Variants in ZNF33A observed in about 807,000 individuals in gnomAD.
The protein encoded by ZNF33A is brain my041 protein.
ZNF33A carries 9 observed loss-of-function variants against 15.9 expected under a neutral mutation model. That is an observed-to-expected ratio of 0.57 (90% CI 0.34 to 0.99). The LOEUF is 0.99. Ranked by LOEUF, ZNF33A falls within the 50% of genes least tolerant of loss-of-function variation. ZNF33A has a pLI of 0.02. For missense variants in ZNF33A, 843 were observed against 941.6 expected (o/e 0.90, Z 1.37); for synonymous variants, 294 against 324.2 (o/e 0.91, Z 1.00).
chr10:38,015,667 G>C (rs1475927833), intron 2 of ZNF33A, among the ~76,000 whole-genome samples: 1 of 152,114 alleles, frequency 6.6e-6, no homozygotes, highest in Admixed American at 6.6e-5. Flanking sequence ...CTAGAATACT[G>C]TGTCCAACCT....
downstream of ZNF33A, among the ~76,000 whole-genome samples, chr10:38,065,733 C>A (rs1171914046): frequency 6.8e-6 from 1 of 146,684 alleles, no homozygotes; most frequent in Non-Finnish European, 1.5e-5. Flanking sequence ...TTTTTTGAGA[C>A]GGATTTTTGC....
intron 1 of ZNF33A, 38 bp from the exon 2 acceptor site, chr10:38,012,260 A>G: frequency 1.2e-6 from 2 of 1,601,402 alleles, no homozygotes; most frequent in Non-Finnish European, 1.7e-6. Context: ...CAGGCAGGCC[A>G]AATCTTTCAT....
At chr10:38,031,014 G>T (rs904201785) in intron 4 of ZNF33A, among the ~76,000 whole-genome samples, 1 of 152,148 alleles carries the variant, frequency 6.6e-6, no homozygotes, top group African/African-American at 2.4e-5. Flanking sequence ...ACCATGTGTG[G>T]CATCCTTGTG....
At chr10:38,060,267 T>C (rs2066639388), downstream of ZNF33A, among the ~76,000 whole-genome samples, 1 of 152,162 alleles carries the variant, frequency 6.6e-6, no homozygotes, top group South Asian at 2.1e-4. Context: ...TGACCTAACC[T>C]CATTTCCATC....
At chr10:38,010,589 G>C (rs2064118964), upstream of ZNF33A, 3 of 988,404 alleles carry the variant, frequency 3.0e-6, no homozygotes, top group Admixed American at 1.7e-5. Context: ...CGGCCTCACG[G>C]GAAAGGTAGT....
At chr10:38,041,778 G>A (rs1016457474) in intron 4 of ZNF33A, among the ~76,000 whole-genome samples, 4 of 152,150 alleles carry the variant, frequency 2.6e-5, no homozygotes, top group African/African-American at 9.7e-5. Context: ...CACTTTTGAT[G>A]CCAAGCATTT....
At chr10:38,033,365 G>A (rs987518411) in intron 4 of ZNF33A, among the ~76,000 whole-genome samples, 5 of 152,170 alleles carry the variant, frequency 3.3e-5, no homozygotes, top group Non-Finnish European at 5.9e-5. Context: ...GTGGATGGAC[G>A]TTTGGTTTTA....
chr10:38,055,574 C>G lies in ZNF33A; in HGVS notation c.1450C>G (p.Leu484Val). Residue 484 changes from leucine (L) to valine (V), a missense_variant, in exon 5 of 5, where the codon CTT becomes GTT. Coordinates refer to ENST00000432900, the MANE Select transcript of ZNF33A (RefSeq NM_006954.2). The stretch of plus-strand genomic sequence containing the variant: ...GAAATCCTTTAGTGAAAAGTCAAAT[C>G]TTACACAGCATCAGAGAATTCACAT... ...CGKSFSEKSN[L>V]TQHQRIHIGD... 6.2e-7 allele frequency: 1 copy of G among 1,614,100 alleles called. No homozygotes were observed. The highest frequency in any genetic ancestry group is 8.5e-7 in the Non-Finnish European group (1 of 1,179,998).
At chr10:38,048,049 T>A (rs1185661896) in intron 4 of ZNF33A, among the ~76,000 whole-genome samples, 1 of 152,186 alleles carries the variant, frequency 6.6e-6, no homozygotes, top group African/African-American at 2.4e-5. Flanking sequence ...AAACTCAACG[T>A]AGAGTTATAT....
At position 38,056,550 on chromosome 10, in the gene ZNF33A, A is replaced by G; in HGVS notation, c.2426A>G (p.Asn809Ser). Residue 809 changes from asparagine to serine, a missense_variant, in exon 5 of 5, where the codon AAT (asparagine) becomes AGT (serine). Asn to Ser is a conservative substitution (Grantham distance 46). Transcript: ENST00000432900. ...HCGESPDDIL[N>S]VQ ...GGAGAAAGCCCTGATGACATCCTGA[A>G]TGTTCAGTAACTATCCACAAACTCA... 1.3e-6 allele frequency: 2 copies of G among 1,566,764 alleles called. No individual in the cohort carries two copies. Among genetic ancestry groups the G allele is most frequent in the Non-Finnish European group, 1.7e-6 (2 of 1,159,170 alleles).
In ZNF33A at chr10:38,055,842, G is replaced by A. The variant is rs756384018; in HGVS notation, c.1718G>A (p.Arg573Lys). 7 of 1,614,088 alleles carry A rather than the reference G, an allele frequency of 4.3e-6. No homozygotes were observed. The Admixed American group carries it at 1.2e-4, about 27-fold the overall frequency. The part of the protein sequence containing the change: ...SHKSTLSQHY[R>K]THTGEKPYEC... ...AAGTCAACCCTCTCTCAACATTATA[G>A]AACACACACAGGGGAGAAACCCTAC... is the stretch of plus-strand genomic sequence containing the variant. The change falls in exon 5 of 5, where the codon AGA (arginine) becomes AAA (lysine). Residue 573 changes from arginine (R) to lysine (K), a missense_variant. Transcript: ENST00000432900.
intron 4 of ZNF33A, among the ~76,000 whole-genome samples, chr10:38,047,238 A>G (rs1375013808): frequency 1.3e-5 from 2 of 151,036 alleles, no homozygotes; most frequent in African/African-American, 2.4e-5. Flanking sequence ...GCAACAACTA[A>G]TGGCAGTTTA....
intron 4 of ZNF33A, among the ~76,000 whole-genome samples, chr10:38,054,134 C>T (rs900230054): frequency 2.6e-5 from 4 of 152,114 alleles, no homozygotes; most frequent in Non-Finnish European, 5.9e-5. Context: ...AAATGTGTGC[C>T]TTCAATAGTT....
intron 4 of ZNF33A, among the ~76,000 whole-genome samples, chr10:38,027,288 G>T (rs662928): frequency 0.76 from 115,734 of 151,798 alleles, 44,234 homozygotes; most frequent in South Asian, 0.87. Flanking sequence ...TGGAATTTTT[G>T]TGTGTGTGTG....
downstream of ZNF33A, among the ~76,000 whole-genome samples, chr10:38,060,502 G>A (rs1005289415): frequency 2.6e-5 from 4 of 152,096 alleles, no homozygotes; most frequent in Admixed American, 1.3e-4. Context: ...CTCCCTAGTC[G>A]AACCCTGTGT....
At chr10:38,063,129 G>A (rs1021820337), downstream of ZNF33A, among the ~76,000 whole-genome samples, 14 of 151,772 alleles carry the variant, frequency 9.2e-5, no homozygotes, top group East Asian at 5.8e-4. Context: ...AACTGTGTCC[G>A]TGTGTAGTAA....
chr10:38,026,066 G>T (rs1296581500), intron 4 of ZNF33A, among the ~76,000 whole-genome samples: 1 of 152,050 alleles, frequency 6.6e-6, no homozygotes, highest in African/African-American at 2.4e-5. Context: ...TTAGCATGAT[G>T]CTTTCAGCTT....
chr10:38,031,499 G>T (rs1212429985), intron 4 of ZNF33A, among the ~76,000 whole-genome samples: 2 of 150,692 alleles, frequency 1.3e-5, no homozygotes, highest in Non-Finnish European at 2.9e-5. Flanking sequence ...GAGCCCAGGA[G>T]GTCAAGGCTG....
At position 38,054,628 on chromosome 10, in the gene ZNF33A, T is replaced by C. The variant is rs759470333; in HGVS notation, c.504T>C (p.Asp168=). ...TAAACTATTTAGGAAAAAAGTCTGATGAATTTAATGCCTGTGGGAAATTGT... is the reference window on the plus strand; with the variant it reads ...TAAACTATTTAGGAAAAAAGTCTGACGAATTTAATGCCTGTGGGAAATTGT... The part of the protein sequence containing the change: ...SKINYLGKKS[D]EFNACGKLLL... The change falls in exon 5 of 5, where the codon GAT becomes GAC. Residue 168 remains aspartate, a synonymous_variant. Transcript: ENST00000432900. 1 of 1,612,588 alleles carries C rather than the reference T, an allele frequency of 6.2e-7. No homozygotes were observed. The highest frequency in any genetic ancestry group is 8.5e-7 in the Non-Finnish European group (1 of 1,179,628).
Sources: gnomAD v4.1 joint callset for allele counts (sites outside exome capture counted in the v4.1 genomes callset) on GRCh38, gnomAD v4.1.1 for gene constraint, MANE v1.5 for transcripts, NCBI Gene and HGNC (gene_info 2026-07-23, HGNC 2026-07-21) for gene names.